USP18: variants seen among roughly 807,000 people sequenced by gnomAD.
USP18 encodes the protein ubiquitin specific peptidase 18.
Under a neutral mutation model 48.7 loss-of-function variants are expected in USP18, and 11 were observed. The observed-to-expected ratio is 0.23, with a 90% CI of 0.14 to 0.37. The LOEUF is 0.37. Ranked by LOEUF, USP18 falls within the 10% of genes least tolerant of loss-of-function variation. The pLI is 1.00. For missense variants in USP18, 285 were observed against 436.4 expected, an observed-to-expected ratio of 0.65 and a Z score of 3.09; for synonymous variants, 114 against 163.2, an observed-to-expected ratio of 0.70 and a Z score of 2.30.
At chr22:18,160,113 C>A in intron 2 of USP18, 59 bp from the exon 3 acceptor site, 1 of 1,540,014 alleles carries the variant, frequency 6.5e-7, no homozygotes, top group Non-Finnish European at 9.0e-7. Context: ...CATGCCCAGC[C>A]TTGTCAACTT....
Position 18,159,050 on chromosome 22 carries a change from C to T in USP18, c.158-1122C>T, listed in dbSNP as rs150909562. ...ACTATATTAAAACTTTTCTTGTTAT[C>T]GAACTTTTTGTGTGTGTGTGTGTGA... On this transcript the variant is annotated intron_variant, in intron 2 of 10. Transcript: ENST00000215794. 6.2e-4 allele frequency among the ~76,000 whole-genome samples: 95 copies of T among 152,100 alleles called. 1 individual carries two copies. The highest frequency in any genetic ancestry group is 5.4e-3 in the East Asian group (28 of 5,180).
intron 9 of USP18, 78 bp from the exon 10 acceptor site, chr22:18,173,715 G>C: frequency 5.0e-6 from 8 of 1,591,630 alleles, no homozygotes; most frequent in Non-Finnish European, 6.0e-6. Flanking sequence ...GGAGGATGAG[G>C]GGCACATTAT....
chr22:18,159,672 ATTTT>A (rs34386839), intron 2 of USP18, among the ~76,000 whole-genome samples: 14 of 76,910 alleles, frequency 1.8e-4, no homozygotes, highest in Admixed American at 3.3e-4. Flanking sequence ...TGATTTTTGG[ATTTT>A]TTTTTTTTTT....
At chr22:18,172,200 A>G (rs1295646975) in intron 8 of USP18, among the ~76,000 whole-genome samples, 2 of 152,212 alleles carry the variant, frequency 1.3e-5, no homozygotes, top group Admixed American at 6.5e-5. Context: ...TGTAACAGTT[A>G]CCAAAACTCA....
At chr22:18,162,727 C>T in intron 4 of USP18, among the ~76,000 whole-genome samples, 1 of 152,012 alleles carries the variant, frequency 6.6e-6, no homozygotes. Flanking sequence ...GTGTGGACAT[C>T]ATGGAGTGCA....
intron 4 of USP18, among the ~76,000 whole-genome samples, chr22:18,166,552 T>C (rs1489558406): frequency 1.3e-5 from 2 of 151,388 alleles, no homozygotes; most frequent in Admixed American, 6.6e-5. Flanking sequence ...GTGGCAACAC[T>C]GGACATCAGA....
At chr22:18,169,776 A>C in intron 6 of USP18, 68 bp from the exon 7 acceptor site, 1 of 1,532,698 alleles carries the variant, frequency 6.5e-7, no homozygotes, top group Non-Finnish European at 8.8e-7. Flanking sequence ...GTGTGAGAAC[A>C]GATGAATATA....
At chr22:18,174,331 G>C (rs932601787) in intron 10 of USP18, among the ~76,000 whole-genome samples, 12 of 151,470 alleles carry the variant, frequency 7.9e-5, no homozygotes, top group Non-Finnish European at 1.5e-4. Context: ...AGGTTCAAGC[G>C]ATTCTCCTGC....
intron 1 of USP18, among the ~76,000 whole-genome samples, chr22:18,155,583 C>G (rs1011770292): frequency 6.6e-6 from 1 of 152,174 alleles, no homozygotes. Flanking sequence ...GCGCGAGTTC[C>G]GAGTGGGCGT....
chr22:18,161,804 G>T lies in USP18; in HGVS notation c.269G>T (p.Arg90Met). 2 of 1,604,686 alleles carry T rather than the reference G, an allele frequency of 1.2e-6. No individual in the cohort carries two copies. The highest frequency in any genetic ancestry group is 1.7e-6 in the Non-Finnish European group (2 of 1,176,344). The part of the protein sequence containing the change: ...TRILKRITVP[R>M]GADEQRRSVP... Reference sequence around the variant, plus strand: ...TTGTGTGGCAGGATCACGGTGCCCAGGGGAGCTGACGAGCAGAGGAGAAGC... The same window carrying T: ...TTGTGTGGCAGGATCACGGTGCCCATGGGAGCTGACGAGCAGAGGAGAAGC... The change falls in exon 4 of 11, where the codon AGG (arginine) becomes ATG (methionine). Residue 90 changes from arginine to methionine, a missense_variant. By Grantham distance (91) the Arg-to-Met change is moderately conservative. This residue lies in a region of USP18 where 199 missense variants were observed against 239.6 expected (regional missense o/e 0.83). Transcript: ENST00000215794.
chr22:18,173,725 T>C, intron 9 of USP18, 68 bp from the exon 10 acceptor site: 2 of 1,604,682 alleles, frequency 1.2e-6, no homozygotes, highest in Non-Finnish European at 1.7e-6. Context: ...GGGCACATTA[T>C]AGCATCCTGT....
chr22:18,151,886 C>T (rs866098481), intron 1 of USP18, among the ~76,000 whole-genome samples: 1 of 152,008 alleles, frequency 6.6e-6, no homozygotes, highest in Non-Finnish European at 1.5e-5. Flanking sequence ...GCAAACCCAT[C>T]TACTAAAAAT....
chr22:18,170,468 A>G (rs1380357063), intron 7 of USP18, among the ~76,000 whole-genome samples: 4 of 152,240 alleles, frequency 2.6e-5, no homozygotes, highest in Non-Finnish European at 4.4e-5. Context: ...GTTTCCCTCC[A>G]GGCGAGACCA....
rs1169570618 is a variant in USP18, at chr22:18,155,599, C to T, written c.-106-1959C>T. ...CGCGAGTTCCGAGTGGGCGTGGGCT[C>T]GGCGGGCCCGCACTCGGAGCGGCCA... is the stretch of plus-strand genomic sequence containing the variant. On this transcript the variant is annotated intron_variant, in intron 1 of 10. Coordinates refer to ENST00000215794, the MANE Select transcript of USP18 (RefSeq NM_017414.4). Among the ~76,000 whole-genome samples the T allele has an allele frequency of 3.3e-5, 5 of 152,178 alleles. No homozygotes were observed. The East Asian group carries it at 7.7e-4, about 24-fold the overall frequency.
chr22:18,154,738 G>T (rs139899236), intron 1 of USP18, among the ~76,000 whole-genome samples: 1,693 of 152,250 alleles, frequency 0.011, 16 homozygotes, highest in Non-Finnish European at 0.016. Context: ...ACCATGCCAG[G>T]CCTCATCTCT....
chr22:18,153,257 C>T (rs1396673292), intron 1 of USP18, among the ~76,000 whole-genome samples: 2 of 152,016 alleles, frequency 1.3e-5, no homozygotes, highest in Non-Finnish European at 2.9e-5. Context: ...GGTGAAACCC[C>T]GTCTCTACTA....
chr22:18,157,980 A>T (rs1294767905), intron 2 of USP18, among the ~76,000 whole-genome samples, 160 bp downstream of exon 2: 1 of 152,112 alleles, frequency 6.6e-6, no homozygotes, highest in East Asian at 1.9e-4. Context: ...GGCCATAGTG[A>T]AACCCTATCT....
intron 10 of USP18, among the ~76,000 whole-genome samples, chr22:18,176,560 GTT>G (rs1344998084): frequency 8.3e-6 from 1 of 120,620 alleles, no homozygotes; most frequent in Non-Finnish European, 1.7e-5. Context: ...TCCATAGCTT[GTT>G]AACCTCCGCT....
intron 3 of USP18, among the ~76,000 whole-genome samples, chr22:18,160,766 A>C (rs1027118119): frequency 3.0e-5 from 4 of 131,904 alleles, no homozygotes; most frequent in Non-Finnish European, 6.3e-5. Context: ...AAGTATTGGT[A>C]CTTTTTTTTT....
Sources: allele counts gnomAD v4.1 joint callset (sites outside exome capture counted in the v4.1 genomes callset), GRCh38; gene constraint gnomAD v4.1.1; regional missense constraint gnomAD v4.1.1; transcripts MANE v1.5; gene names NCBI Gene and HGNC (gene_info 2026-07-23, HGNC 2026-07-21).